LPP: variants seen among roughly 807,000 people sequenced by gnomAD.
LPP encodes the protein LIM domain containing preferred translocation partner in lipoma.
A neutral mutation model predicts 60.4 loss-of-function variants in LPP; 38 were observed. The ratio of observed to expected loss-of-function variants is 0.63; its 90% CI spans 0.49 to 0.83. The LOEUF (loss-of-function observed/expected upper bound fraction) is 0.83. Among genes scored for constraint, LPP ranks in the 40% least tolerant of loss-of-function variants. The pLI is 0.00. For synonymous variants in LPP, 328 were observed against 290.8 expected (o/e 1.13, Z -1.30); for missense variants, 902 against 783.6 (o/e 1.15, Z -1.80).
At chr3:188,368,097 G>A (rs1310490430) in intron 3 of LPP, among the ~76,000 whole-genome samples, 1 of 152,120 alleles carries the variant, frequency 6.6e-6, no homozygotes, top group African/African-American at 2.4e-5. Flanking sequence ...TGTTAGGAGG[G>A]GGAAATAAAA....
At chr3:188,627,025 C>T (rs1447656938) in intron 7 of LPP, among the ~76,000 whole-genome samples, 4 of 152,120 alleles carry the variant, frequency 2.6e-5, no homozygotes, top group Non-Finnish European at 4.4e-5. Context: ...TTTTTAGCAG[C>T]ATATTCATTG....
intron 9 of LPP, among the ~76,000 whole-genome samples, chr3:188,837,528 G>A (rs1758799403): frequency 6.6e-6 from 1 of 151,952 alleles, no homozygotes; most frequent in South Asian, 2.1e-4. Flanking sequence ...TCAGAGGATG[G>A]GAGAACAGAG....
At position 188,553,866 on chromosome 3, in the gene LPP, G is replaced by C. The variant is rs148434348; in HGVS notation, c.429+29079G>C. 2.0e-5 allele frequency: 3 copies of C among 152,330 alleles called. No homozygotes were observed. In the East Asian group the frequency reaches 5.8e-4, roughly 29 times the overall value. 9.4% of individuals were successfully genotyped at this position (152,330 alleles called of 1,614,324 possible). On this transcript the variant is annotated intron_variant, in intron 6 of 11. Transcript: ENST00000617246. ...TGTTCAATGCCTGAGCTTCTACCGAGTGAGTCACTTGTGTGAAAATGTCTT... is the reference window on the plus strand; with the variant it reads ...TGTTCAATGCCTGAGCTTCTACCGACTGAGTCACTTGTGTGAAAATGTCTT...
chr3:188,753,398 C>G (rs1004122219), intron 8 of LPP, among the ~76,000 whole-genome samples: 3 of 152,268 alleles, frequency 2.0e-5, no homozygotes, highest in African/African-American at 2.4e-5. Flanking sequence ...ACCTGAAGGT[C>G]TAAGCTAAGC....
chr3:188,475,741 A>T (rs1464864255), intron 4 of LPP, among the ~76,000 whole-genome samples: 1 of 152,082 alleles, frequency 6.6e-6, no homozygotes, highest in Non-Finnish European at 1.5e-5. Context: ...TCTCTGCTAA[A>T]AATCCAAAAA....
At chr3:188,418,731 A>G (rs935411944) in intron 4 of LPP, among the ~76,000 whole-genome samples, 1 of 152,190 alleles carries the variant, frequency 6.6e-6, no homozygotes, top group East Asian at 1.9e-4. Flanking sequence ...CAAATATAAA[A>G]CAGCCAAAGT....
At chr3:188,372,830 T>C (rs1773689931) in intron 3 of LPP, among the ~76,000 whole-genome samples, 1 of 152,002 alleles carries the variant, frequency 6.6e-6, no homozygotes. Flanking sequence ...TAGCATTAGG[T>C]GTATCTCCTA....
At chr3:188,354,390 C>T (rs967741854) in intron 3 of LPP, among the ~76,000 whole-genome samples, 2 of 152,026 alleles carry the variant, frequency 1.3e-5, no homozygotes, top group Non-Finnish European at 2.9e-5. Flanking sequence ...AAGTTGAATA[C>T]GTAAGACAGA....
chr3:188,195,588 C>A (rs148408735), intron 1 of LPP, among the ~76,000 whole-genome samples: 130 of 152,278 alleles, frequency 8.5e-4, no homozygotes, highest in African/African-American at 2.9e-3. Context: ...TGACATATGG[C>A]AGTTTAGCAT....
chr3:188,580,230 TTG>T (rs1200355696), intron 6 of LPP, among the ~76,000 whole-genome samples: 1 of 151,736 alleles, frequency 6.6e-6, no homozygotes, highest in Non-Finnish European at 1.5e-5. Context: ...CTCAATAGAA[TTG>T]TTTCTCAATT....
chr3:188,339,157 C>T (rs1365795307), intron 2 of LPP, among the ~76,000 whole-genome samples: 1 of 152,148 alleles, frequency 6.6e-6, no homozygotes, highest in African/African-American at 2.4e-5. Flanking sequence ...GGTTCTGGGT[C>T]AGCAGTTAGT....
chr3:188,344,863 TC>T (rs934684442), intron 3 of LPP, among the ~76,000 whole-genome samples: 5 of 152,298 alleles, frequency 3.3e-5, no homozygotes, highest in East Asian at 1.9e-4. Context: ...GTGACATTGT[TC>T]CCTGATCTGG....
Position 188,302,988 on chromosome 3 carries a change from T to C in LPP, c.-66-38675T>C, listed in dbSNP as rs143400837. 3.2e-4 allele frequency among the ~76,000 whole-genome samples: 48 copies of C among 152,340 alleles called. 1 individual carries two copies. Among genetic ancestry groups the C allele is most frequent in the Admixed American group, 3.0e-3 (46 of 15,298 alleles). On this transcript the variant is annotated intron_variant, in intron 2 of 11. Transcript: ENST00000617246. Reference sequence around the variant, plus strand: ...AGGTTCTGCCAAAGGACTTGTCTTATATGATTTTATTCTTACTTTTAATCT... The same window carrying C: ...AGGTTCTGCCAAAGGACTTGTCTTACATGATTTTATTCTTACTTTTAATCT...
At chr3:188,156,854 C>T (rs1479674163) in intron 1 of LPP, among the ~76,000 whole-genome samples, 1 of 151,418 alleles carries the variant, frequency 6.6e-6, no homozygotes, top group East Asian at 2.0e-4. Context: ...GCGCCCCACC[C>T]CCCCAAGAAA....
intron 2 of LPP, among the ~76,000 whole-genome samples, chr3:188,296,707 A>C (rs1748013685): frequency 6.6e-6 from 1 of 152,206 alleles, no homozygotes. Flanking sequence ...AGCACCCATG[A>C]ATGAAATTTA....
chr3:188,227,545 G>T (rs1454826847), intron 2 of LPP, among the ~76,000 whole-genome samples: 1 of 152,010 alleles, frequency 6.6e-6, no homozygotes, highest in Non-Finnish European at 1.5e-5. Flanking sequence ...ATAGAGTATG[G>T]CATCTAGAAC....
chr3:188,645,732 T>C (rs1452751336), intron 7 of LPP, among the ~76,000 whole-genome samples: 1 of 151,916 alleles, frequency 6.6e-6, no homozygotes, highest in African/African-American at 2.4e-5. Context: ...AGTGCATTTA[T>C]AAGAAAATTT....
intron 2 of LPP, among the ~76,000 whole-genome samples, chr3:188,280,325 C>T (rs114564092): frequency 2.0e-5 from 3 of 152,186 alleles, no homozygotes; most frequent in South Asian, 2.1e-4. Flanking sequence ...AGGGTGGAAT[C>T]GACATCATTA....
At chr3:188,437,840 A>G (rs1792730032) in intron 4 of LPP, among the ~76,000 whole-genome samples, 1 of 152,186 alleles carries the variant, frequency 6.6e-6, no homozygotes, top group South Asian at 2.1e-4. Flanking sequence ...ATGTTGAAGA[A>G]ATTGGGAGCA....
Sources: allele counts gnomAD v4.1 joint callset (sites outside exome capture counted in the v4.1 genomes callset), GRCh38; gene constraint gnomAD v4.1.1; transcripts MANE v1.5; gene names NCBI Gene and HGNC (gene_info 2026-07-23, HGNC 2026-07-21).